The following KIAA1217 variants were observed in gnomAD, a reference collection of about 807,000 sequenced individuals.
KIAA1217 encodes the protein sickle tail protein homolog.
Under a neutral mutation model 163.9 loss-of-function variants are expected in KIAA1217, and 88 were observed. The observed-to-expected ratio is 0.54, with a 90% CI of 0.45 to 0.64. The LOEUF is 0.64. Ranked by LOEUF, KIAA1217 falls within the 30% of genes least tolerant of loss-of-function variation. The probability of loss-of-function intolerance (pLI) is 0.00; values close to 1 mark genes in which losing one functional copy is unlikely to be tolerated. For missense variants in KIAA1217, 2,372 were observed against 2,475.0 expected (o/e 0.96, Z 0.88); for synonymous variants, 903 against 923.1 (o/e 0.98, Z 0.39).
intron 2 of KIAA1217, among the ~76,000 whole-genome samples, chr10:24,326,826 C>T (rs1302733713): frequency 6.6e-6 from 1 of 151,770 alleles, no homozygotes; most frequent in Non-Finnish European, 1.5e-5. Flanking sequence ...AGGAAAGGTA[C>T]AACTGGAAAT....
intron 2 of KIAA1217, among the ~76,000 whole-genome samples, chr10:24,095,334 T>C (rs933524411): frequency 6.6e-6 from 1 of 152,186 alleles, no homozygotes; most frequent in Non-Finnish European, 1.5e-5. Context: ...GCGTCGCTCA[T>C]GCTGGGAGCC....
rs1207415594 is a variant in KIAA1217 at position 23,855,418 on chromosome 10, C to T, written c.-320-151807C>T. On this transcript the variant is annotated intron_variant, in intron 1 of 18. Transcript: ENST00000376462. ...CTGATGGGATTCCCTTTGTGGGTAA[C>T]CCGACCTTTCTGTCTGGCTGCCCTT... is the stretch of plus-strand genomic sequence containing the variant. Among the ~76,000 whole-genome samples the T allele has an allele frequency of 5.9e-5, 9 of 152,288 alleles. No homozygotes were observed. In the East Asian group the frequency reaches 1.5e-3, roughly 26 times the overall value.
intron 2 of KIAA1217, among the ~76,000 whole-genome samples, chr10:24,065,030 C>G (rs1203723197): frequency 1.3e-5 from 2 of 152,164 alleles, no homozygotes; most frequent in Non-Finnish European, 2.9e-5. Context: ...ATTCTTCTCT[C>G]TTTTCTTCTT....
At chr10:24,130,265 T>C (rs1042893186) in intron 2 of KIAA1217, among the ~76,000 whole-genome samples, 4 of 152,214 alleles carry the variant, frequency 2.6e-5, no homozygotes, top group African/African-American at 9.6e-5. Flanking sequence ...GCTCCTGGGC[T>C]ACTGGGTTAT....
intron 2 of KIAA1217, among the ~76,000 whole-genome samples, chr10:24,118,118 C>T (rs1410690568): frequency 1.3e-5 from 2 of 150,878 alleles, no homozygotes; most frequent in Non-Finnish European, 2.9e-5. Context: ...TATAACAAAC[C>T]TGCACATGTA....
At chr10:23,974,124 A>G (rs1220839890) in intron 1 of KIAA1217, among the ~76,000 whole-genome samples, 2 of 152,180 alleles carry the variant, frequency 1.3e-5, no homozygotes, top group South Asian at 2.1e-4. Flanking sequence ...GCTGTAAGGC[A>G]CCTCATTACT....
intron 2 of KIAA1217, among the ~76,000 whole-genome samples, chr10:24,011,988 C>CAT (rs34195736): frequency 0.11 from 16,638 of 152,096 alleles, 1,037 homozygotes; most frequent in African/African-American, 0.17. Flanking sequence ...ATGACAGTGA[C>CAT]ATTTCATTTG....
rs149380908 is a variant in KIAA1217, at chr10:24,310,780, T to G, written c.355-70089T>G. Among the ~76,000 whole-genome samples the G allele has an allele frequency of 3.4e-3, 513 of 152,240 alleles. 2 individuals are homozygous for G. The highest frequency in any genetic ancestry group is 4.7e-3 in the Non-Finnish European group (321 of 68,012). On this transcript the variant is annotated intron_variant, in intron 2 of 20. Coordinates refer to ENST00000376454, the MANE Select transcript of KIAA1217 (RefSeq NM_019590.5). ...AGGTGGCCGAGGCACGTGGATCACT[T>G]GAGCCCAGGAGTTGGAGACCAGCCT... is the stretch of plus-strand genomic sequence containing the variant.
chr10:24,187,641 A>G (rs1359700617), intron 2 of KIAA1217, among the ~76,000 whole-genome samples: 1 of 152,164 alleles, frequency 6.6e-6, no homozygotes, highest in Non-Finnish European at 1.5e-5. Flanking sequence ...CTATAATCCC[A>G]GCACTTTGGG....
chr10:23,954,062 A>G (rs1410032355), intron 1 of KIAA1217, among the ~76,000 whole-genome samples: 1 of 152,238 alleles, frequency 6.6e-6, no homozygotes, highest in East Asian at 1.9e-4. Flanking sequence ...GCATTTGTGT[A>G]ATAAGATGTC....
At chr10:24,146,376 A>C (rs548718518) in intron 2 of KIAA1217, among the ~76,000 whole-genome samples, 148 of 152,370 alleles carry the variant, frequency 9.7e-4, no homozygotes, top group Non-Finnish European at 1.7e-3. Context: ...CTGGAAGAGA[A>C]TCCAGGCACC....
chr10:24,259,258 C>A (rs1590299650), intron 2 of KIAA1217, among the ~76,000 whole-genome samples: 1 of 152,008 alleles, frequency 6.6e-6, no homozygotes, highest in South Asian at 2.1e-4. Flanking sequence ...TGTAGTCTTG[C>A]CTAACTGAAA....
At chr10:24,536,577 C>T (rs114183521) in intron 16 of KIAA1217, among the ~76,000 whole-genome samples, 197 bp from the exon 17 acceptor site, 2,115 of 152,226 alleles carry the variant, frequency 0.014, 52 homozygotes, top group African/African-American at 0.048. Flanking sequence ...GCCTTTGCCT[C>T]GGACTCTGCC....
intron 2 of KIAA1217, among the ~76,000 whole-genome samples, chr10:24,324,902 A>G (rs999917184): frequency 3.9e-5 from 6 of 152,138 alleles, no homozygotes; most frequent in Non-Finnish European, 8.8e-5. Context: ...CTATTCAGCG[A>G]CTGACTGTTT....
chr10:24,134,492 C>T (rs1186513123), intron 2 of KIAA1217, among the ~76,000 whole-genome samples: 1 of 152,124 alleles, frequency 6.6e-6, no homozygotes, highest in Non-Finnish European at 1.5e-5. Context: ...AAAGGAGAAC[C>T]TTGTAGTTGC....
At chr10:24,507,663 G>T (rs1231170276) in intron 9 of KIAA1217, among the ~76,000 whole-genome samples, 1 of 152,138 alleles carries the variant, frequency 6.6e-6, no homozygotes, top group Non-Finnish European at 1.5e-5. Flanking sequence ...ATTAATAAAA[G>T]ATGAAGTGGA....
chr10:24,092,904 AGT>A lies in KIAA1217; in HGVS notation c.-171+85553_-171+85554del, dbSNP rs149427130. ...AGTGAATTTTACTGTGTGTATGTATAGTGTGTGTGTGTGTGTGTGTGTGTTGT... is the reference window on the plus strand; with the variant it reads ...AGTGAATTTTACTGTGTGTATGTATAGTGTGTGTGTGTGTGTGTGTGTTGT... On this transcript the variant is annotated intron_variant, in intron 2 of 18. Coordinates refer to the KIAA1217 transcript ENST00000376462. Among the ~76,000 whole-genome samples, 391 of 144,778 alleles carry A rather than the reference AGT, an allele frequency of 2.7e-3. 2 individuals carry two copies. Among genetic ancestry groups the A allele is most frequent in the Non-Finnish European group, 3.6e-3 (241 of 66,596 alleles). The allele number at this position is 144,778 out of a possible 152,430, so 95.0% of individuals were successfully genotyped here. A position where few individuals can be genotyped will look rare whatever the true frequency, so the allele number is the denominator to read the frequency against.
chr10:24,265,078 G>T (rs2076107805), intron 2 of KIAA1217, among the ~76,000 whole-genome samples: 1 of 152,042 alleles, frequency 6.6e-6, no homozygotes, highest in Non-Finnish European at 1.5e-5. Context: ...TACCCAGGCT[G>T]GTCTCGAACT....
At chr10:23,827,914 ACTGTTTG>A (rs954276929) in intron 1 of KIAA1217, among the ~76,000 whole-genome samples, 7 of 152,200 alleles carry the variant, frequency 4.6e-5, no homozygotes, top group Non-Finnish European at 1.0e-4. Flanking sequence ...TTAAAGGATG[ACTGTTTG>A]CCCAGGGAAA....
Sources: allele counts gnomAD v4.1 joint callset (sites outside exome capture counted in the v4.1 genomes callset), GRCh38; gene constraint gnomAD v4.1.1; transcripts MANE v1.5; gene names NCBI Gene and HGNC (gene_info 2026-07-23, HGNC 2026-07-21).